NXN: variants seen among roughly 807,000 people sequenced by gnomAD.
NXN encodes nucleoredoxin.
In NXN, 16 loss-of-function variants were observed where a neutral mutation model predicts 48.6. The observed-to-expected ratio is 0.33, with a 90% CI of 0.22 to 0.50. The LOEUF (loss-of-function observed/expected upper bound fraction) is 0.50, where lower values mean the gene tolerates loss of function less well. Ranked by LOEUF, NXN falls within the 20% of genes least tolerant of loss-of-function variation. NXN has a pLI of 0.98. For synonymous variants in NXN, 281 were observed against 269.6 expected (o/e 1.04, Z -0.41); for missense variants, 492 against 605.5 (o/e 0.81, Z 1.97).
In NXN at chr17:805,026, C is replaced by A. The variant is rs571510785; in HGVS notation, c.1000+42G>T. The stretch of plus-strand genomic sequence containing the variant: ...CCAAGTGAGGCCCCTCCTGTCCCGC[C>A]CCCCAGCCACCCCTCGCCCCCTGCC... On this transcript the variant is annotated intron_variant, in intron 6 of 7. Coordinates refer to ENST00000336868, the MANE Select transcript of NXN (RefSeq NM_022463.5). The A allele has an allele frequency of 8.2e-4, 1,248 of 1,524,218 alleles. 5 individuals are homozygous for A. The highest frequency in any genetic ancestry group is 1.0e-3 in the Non-Finnish European group (1,120 of 1,125,438). The allele number at this position is 1,524,218 out of a possible 1,614,324, so 94.4% of individuals were successfully genotyped here. A position where few individuals can be genotyped will look rare whatever the true frequency, so the allele number is the denominator to read the frequency against.
At chr17:823,801 A>C in intron 2 of NXN, 36 bp from the exon 3 acceptor site, 2 of 1,612,522 alleles carry the variant, frequency 1.2e-6, no homozygotes, top group Non-Finnish European at 1.7e-6. Flanking sequence ...GAGGGCTTAG[A>C]CCCTTCTTGA....
chr17:909,307 A>G (rs1027908852), intron 1 of NXN, among the ~76,000 whole-genome samples: 4 of 152,112 alleles, frequency 2.6e-5, no homozygotes, highest in African/African-American at 9.7e-5. Context: ...AACATTACAC[A>G]ACCAGTGCTC....
chr17:972,567 C>G (rs981063045), intron 1 of NXN, among the ~76,000 whole-genome samples: 2 of 152,204 alleles, frequency 1.3e-5, no homozygotes, highest in Non-Finnish European at 2.9e-5. Flanking sequence ...AGGATCCCAC[C>G]TAGTTCACAA....
intron 1 of NXN, among the ~76,000 whole-genome samples, chr17:916,426 T>A (rs1390514619): frequency 1.3e-5 from 2 of 152,136 alleles, no homozygotes. Context: ...AATTAACGTA[T>A]GACATTTCAA....
Position 805,078 on chromosome 17 carries a change from G to A in NXN, c.990C>T (p.Val330=). 6.3e-7 allele frequency: 1 copy of A among 1,596,628 alleles called. No homozygotes were observed. The highest frequency in any genetic ancestry group is 8.5e-7 in the Non-Finnish European group (1 of 1,172,454). The part of the protein sequence containing the change: ...AAQLNEGPCL[V]LFVDSEDDGE... ...CCGTGAGCTTCATACCTACAAAAAG[G>A]ACGAGGCAGGGGCCCTCGTTAAGCT... The change falls in exon 6 of 8, where the codon GTC becomes GTT. Residue 330 remains valine, a synonymous_variant. Coordinates refer to ENST00000336868, the MANE Select transcript of NXN (RefSeq NM_022463.5).
At chr17:924,317 A>G (rs954468946) in intron 1 of NXN, among the ~76,000 whole-genome samples, 14 of 152,062 alleles carry the variant, frequency 9.2e-5, no homozygotes, top group Admixed American at 3.3e-4. Context: ...GCTCACTGCA[A>G]CCTCCACCTC....
chr17:955,510 G>C (rs2069156741), intron 1 of NXN, among the ~76,000 whole-genome samples: 1 of 151,630 alleles, frequency 6.6e-6, no homozygotes, highest in South Asian at 2.1e-4. Flanking sequence ...AAGTCTGACA[G>C]ACACTGGTTG....
intron 1 of NXN, among the ~76,000 whole-genome samples, chr17:853,971 C>T (rs1023235137): frequency 1.3e-5 from 2 of 151,902 alleles, no homozygotes; most frequent in Non-Finnish European, 2.9e-5. Context: ...CCACCCACCT[C>T]GGCCTCCCAA....
intron 1 of NXN, among the ~76,000 whole-genome samples, chr17:903,828 C>T (rs907637209): frequency 1.3e-5 from 2 of 152,190 alleles, no homozygotes; most frequent in African/African-American, 2.4e-5. Context: ...ATGACCGCAG[C>T]CAAAGGGCCT....
chr17:801,303 G>C (rs976962267), intron 7 of NXN, among the ~76,000 whole-genome samples, 172 bp from the exon 8 acceptor site: 3 of 152,168 alleles, frequency 2.0e-5, no homozygotes, highest in African/African-American at 7.2e-5. Flanking sequence ...GCCTTCCGGA[G>C]GAAGGGGCTG....
chr17:895,677 G>A (rs1188556176), intron 1 of NXN, among the ~76,000 whole-genome samples: 14 of 150,398 alleles, frequency 9.3e-5, no homozygotes, highest in Non-Finnish European at 1.6e-4. Flanking sequence ...AATTAGCCAG[G>A]CGTGGTGGTG....
chr17:916,440 T>A (rs956933594), intron 1 of NXN, among the ~76,000 whole-genome samples: 2 of 152,168 alleles, frequency 1.3e-5, no homozygotes, highest in African/African-American at 4.8e-5. Flanking sequence ...ATTTCAAAGT[T>A]ACCAAACTAA....
At chr17:913,753 G>A (rs2068658838) in intron 1 of NXN, among the ~76,000 whole-genome samples, 1 of 152,036 alleles carries the variant, frequency 6.6e-6, no homozygotes, top group African/African-American at 2.4e-5. Flanking sequence ...TGTAGTAAAA[G>A]AGCAGACAAA....
intron 1 of NXN, among the ~76,000 whole-genome samples, chr17:947,987 G>A (rs540447551): frequency 2.6e-5 from 4 of 152,068 alleles, no homozygotes; most frequent in South Asian, 4.2e-4. Flanking sequence ...GGAGGCGGAG[G>A]TTGCAGTGAG....
intron 1 of NXN, among the ~76,000 whole-genome samples, chr17:910,409 TAA>T (rs761399476): frequency 2.9e-4 from 40 of 137,486 alleles, no homozygotes; most frequent in Non-Finnish European, 2.5e-4. Context: ...GAGACTCCAT[TAA>T]AAAAAAAAAA....
chr17:908,229 T>C (rs975243390), intron 1 of NXN, among the ~76,000 whole-genome samples: 6 of 152,194 alleles, frequency 3.9e-5, no homozygotes, highest in African/African-American at 9.6e-5. Flanking sequence ...TGGTCTCTAA[T>C]TGGGTTACTT....
chr17:871,265 G>A (rs55756460), intron 1 of NXN, among the ~76,000 whole-genome samples: 22,456 of 152,030 alleles, frequency 0.15, 1,859 homozygotes, highest in African/African-American at 0.21. Context: ...CAGGCACCCC[G>A]AAGCTCCAGG....
intron 7 of NXN, among the ~76,000 whole-genome samples, chr17:802,500 A>G (rs1911259508): frequency 6.6e-6 from 1 of 152,104 alleles, no homozygotes; most frequent in South Asian, 2.1e-4. Context: ...AAACCTGCAA[A>G]TGCTCCTTCC....
chr17:823,400 G>GAAA (rs60674309), intron 3 of NXN, among the ~76,000 whole-genome samples: 49 of 142,490 alleles, frequency 3.4e-4, no homozygotes, highest in Non-Finnish European at 5.1e-4. Flanking sequence ...CTCTGGCTCA[G>GAAA]AAAAAAAAAA....
Sources: gnomAD v4.1 joint callset for allele counts (sites outside exome capture counted in the v4.1 genomes callset) on GRCh38, gnomAD v4.1.1 for gene constraint, MANE v1.5 for transcripts, NCBI Gene and HGNC (gene_info 2026-07-23, HGNC 2026-07-21) for gene names.